The following CYB5D2 variants were observed in gnomAD, a reference collection of about 807,000 sequenced individuals.
The protein encoded by CYB5D2 is cytochrome b5 domain containing 2.
Under a neutral mutation model 22.8 loss-of-function variants are expected in CYB5D2, and 23 were observed. That is an observed-to-expected ratio of 1.01 (90% CI 0.73 to 1.43). The LOEUF (loss-of-function observed/expected upper bound fraction) is 1.43. Among genes scored for constraint, CYB5D2 ranks in the 40% most tolerant of loss-of-function variants. The probability of loss-of-function intolerance (pLI) is 0.00; values close to 1 mark genes in which losing one functional copy is unlikely to be tolerated. For missense variants in CYB5D2, 373 were observed against 357.2 expected (o/e 1.04, Z -0.36); for synonymous variants, 170 against 152.2 (o/e 1.12, Z -0.86).
In CYB5D2 at chr17:4,143,946, A is replaced by T; in HGVS notation, c.191A>T (p.Tyr64Phe). The change falls in exon 1 of 4, where the codon TAC becomes TTC. Residue 64 changes from tyrosine (Y) to phenylalanine (F), a missense_variant. By Grantham distance (22) the Tyr-to-Phe change is conservative. Coordinates refer to ENST00000301391, the MANE Select transcript of CYB5D2 (RefSeq NM_144611.4). ...GLYLALLGRV[Y>F]DVSSGRRHYE... ...TACTTGGCGTTGCTCGGCCGTGTCT[A>T]CGATGTGTCCTCCGGCCGGAGGCAC... 1.2e-6 allele frequency: 2 copies of T among 1,613,322 alleles called. No homozygotes were observed. The highest frequency in any genetic ancestry group is 2.7e-5 in the African/African-American group (2 of 75,030).
chr17:4,154,351 C>T (rs537559567), intron 2 of CYB5D2, among the ~76,000 whole-genome samples: 3 of 152,334 alleles, frequency 2.0e-5, no homozygotes, highest in South Asian at 4.1e-4. Context: ...GAATACCCAG[C>T]GTGTGCTCCA....
At chr17:4,144,447 A>T (rs8080327) in intron 1 of CYB5D2, among the ~76,000 whole-genome samples, 1 of 151,402 alleles carries the variant, frequency 6.6e-6, no homozygotes, top group African/African-American at 2.4e-5. Context: ...ACCCCTAAGC[A>T]TAGTGTTTTC....
rs558214553 is a variant in CYB5D2, at chr17:4,143,611, G to A, written c.-145G>A. On this transcript the variant is annotated 5_prime_UTR_variant, in exon 1 of 4. Coordinates refer to ENST00000301391, the MANE Select transcript of CYB5D2 (RefSeq NM_144611.4). ...CCAGGAATACAGATAAAACGAGAGA[G>A]ACTAAGGGAGGGAGCGCGAGCACTA... 4.7e-5 allele frequency: 55 copies of A among 1,179,232 alleles called. No homozygotes were observed. The African/African-American group carries it at 6.5e-4, about 14-fold the overall frequency. The allele number at this position is 1,179,232 out of a possible 1,614,324, so 73.0% of individuals were successfully genotyped here.
chr17:4,154,646 A>T (rs781340501), intron 2 of CYB5D2, 28 bp from the exon 3 acceptor site: 3 of 1,606,080 alleles, frequency 1.9e-6, no homozygotes, highest in African/African-American at 1.3e-5. Context: ...ATTCACTCTC[A>T]CTCACATCTG....
chr17:4,152,915 T>C (rs907484060), intron 2 of CYB5D2, among the ~76,000 whole-genome samples: 2 of 152,112 alleles, frequency 1.3e-5, no homozygotes, highest in Non-Finnish European at 2.9e-5. Flanking sequence ...GTAGCTGGGA[T>C]TACAGGCATG....
intron 2 of CYB5D2, chr17:4,150,886 TG>T: frequency 6.6e-6 from 1 of 152,332 alleles, no homozygotes; most frequent in South Asian, 2.1e-4. Context: ...AACACTAGAT[TG>T]CTTCACAAGT....
Position 4,154,792 on chromosome 17 carries a change from G to C in CYB5D2, c.510G>C (p.Gln170His). The change falls in exon 3 of 4, where the codon CAG becomes CAC. Residue 170 changes from glutamine to histidine, a missense_variant. Gln to His is a conservative substitution (Grantham distance 24, BLOSUM62 0). Coordinates refer to ENST00000301391, the MANE Select transcript of CYB5D2 (RefSeq NM_144611.4). ...EANKLQLQEK[Q>H]TFPPCNAEWS... ...ACAAACTACAGCTGCAAGAGAAGCA[G>C]ACATTCCCGCCGTGCAACGCGGAGT... 1 of 1,614,200 alleles carries C rather than the reference G, an allele frequency of 6.2e-7. No individual in the cohort carries two copies. Among genetic ancestry groups the C allele is most frequent in the African/African-American group, 1.3e-5 (1 of 75,048 alleles).
intron 2 of CYB5D2, among the ~76,000 whole-genome samples, chr17:4,151,240 A>G (rs1437834805): frequency 6.6e-6 from 1 of 151,886 alleles, no homozygotes; most frequent in Non-Finnish European, 1.5e-5. Flanking sequence ...TATGCCCAAG[A>G]TCAGTCTTGA....
intron 2 of CYB5D2, among the ~76,000 whole-genome samples, chr17:4,154,065 G>A (rs189056779): frequency 1.3e-5 from 2 of 152,350 alleles, no homozygotes; most frequent in Non-Finnish European, 1.5e-5. Context: ...TGGGCTGAGA[G>A]AACTGACCTG....
chr17:4,148,220 G>A (rs1437224269), intron 1 of CYB5D2, among the ~76,000 whole-genome samples: 1 of 151,312 alleles, frequency 6.6e-6, no homozygotes, highest in African/African-American at 2.4e-5. Flanking sequence ...GATGAAGGAA[G>A]TGTTAGGAAC....
intron 1 of CYB5D2, among the ~76,000 whole-genome samples, chr17:4,149,074 T>C (rs2059025205): frequency 6.6e-6 from 1 of 152,070 alleles, no homozygotes; most frequent in Non-Finnish European, 1.5e-5. Flanking sequence ...CTTGAGGAGC[T>C]GGGATTATGA....
chr17:4,143,392 G>T lies in CYB5D2; in HGVS notation c.-364G>T, dbSNP rs905066811. 5.2e-6 allele frequency: 1 copy of T among 190,496 alleles called. No individual in the cohort carries two copies. The highest frequency in any genetic ancestry group is 5.7e-5 in the Admixed American group (1 of 17,596). The allele number at this position is 190,496 out of a possible 1,614,324, so 11.8% of individuals were successfully genotyped here. A position where few individuals can be genotyped will look rare whatever the true frequency, so the allele number is the denominator to read the frequency against. On this transcript the variant is annotated 5_prime_UTR_variant, in exon 1 of 4. Transcript: ENST00000301391. ...ATACAAAATATTAGCCGGACGTGGGGGCGCGTGCCTGTAATCCCAGCTACT... is the reference window on the plus strand; with the variant it reads ...ATACAAAATATTAGCCGGACGTGGGTGCGCGTGCCTGTAATCCCAGCTACT...
At position 4,157,402 on chromosome 17, in the gene CYB5D2, A is replaced by G. The variant is rs780773520; in HGVS notation, c.*320A>G. On this transcript the variant is annotated 3_prime_UTR_variant, in exon 4 of 4. Coordinates refer to ENST00000301391, the MANE Select transcript of CYB5D2 (RefSeq NM_144611.4). This position sits in a 1 kb window ranked among gnomAD's most constrained non-coding sequence, Gnocchi z 4.4. ...CAATTTCCACTTGAATTTACAACCA[A>G]AAGCCTGCTGAGTTGATTACAGCTG... The G allele has an allele frequency of 5.2e-5, 22 of 419,350 alleles. No individual in the cohort carries two copies. Among genetic ancestry groups the G allele is most frequent in the Non-Finnish European group, 9.7e-5 (22 of 225,820 alleles). The allele number at this position is 419,350 out of a possible 1,614,324, so 26.0% of individuals were successfully genotyped here.
chr17:4,150,100 A>C, intron 2 of CYB5D2, 69 bp downstream of exon 2: 1 of 1,570,996 alleles, frequency 6.4e-7, no homozygotes, highest in Non-Finnish European at 8.7e-7. Context: ...GAGATTTTTT[A>C]GGGATTGGGT....
intron 2 of CYB5D2, among the ~76,000 whole-genome samples, chr17:4,153,048 G>T (rs893040613): frequency 6.6e-6 from 1 of 152,216 alleles, no homozygotes; most frequent in Non-Finnish European, 1.5e-5. Context: ...AAAGTGCTGG[G>T]ATTACAGGTG....
At chr17:4,156,152 C>T (rs574733585) in intron 3 of CYB5D2, among the ~76,000 whole-genome samples, 2 of 152,262 alleles carry the variant, frequency 1.3e-5, no homozygotes, top group African/African-American at 4.8e-5. Context: ...TCTGAGGCGT[C>T]AGTTCCAAGA....
chr17:4,146,665 C>T (rs1175384162), intron 1 of CYB5D2, among the ~76,000 whole-genome samples: 2 of 151,558 alleles, frequency 1.3e-5, no homozygotes, highest in African/African-American at 2.4e-5. Flanking sequence ...GCTGGGATTA[C>T]AGGCCTGAGC....
At chr17:4,156,406 C>T (rs531728930) in intron 3 of CYB5D2, among the ~76,000 whole-genome samples, 1 of 152,360 alleles carries the variant, frequency 6.6e-6, no homozygotes, top group African/African-American at 2.4e-5. Context: ...GGGCCAGGGC[C>T]CAATTGCCCA....
intron 1 of CYB5D2, among the ~76,000 whole-genome samples, chr17:4,144,257 T>G (rs551165323): frequency 1.3e-5 from 2 of 152,264 alleles, no homozygotes; most frequent in South Asian, 4.1e-4. Flanking sequence ...GTCTTCTGTC[T>G]CTTGTTACCC....
Sources: allele counts gnomAD v4.1 joint callset (sites outside exome capture counted in the v4.1 genomes callset), GRCh38; gene constraint gnomAD v4.1.1; non-coding constraint Gnocchi (gnomAD v3.1); transcripts MANE v1.5; gene names NCBI Gene and HGNC (gene_info 2026-07-23, HGNC 2026-07-21).